PITPNB: variants seen among roughly 807,000 people sequenced by gnomAD.
The protein encoded by PITPNB is phosphatidylinositol transfer protein beta isoform.
A neutral mutation model predicts 45.9 loss-of-function variants in PITPNB; 16 were observed. That is an observed-to-expected ratio of 0.35 (90% confidence interval 0.24 to 0.53). The LOEUF is 0.53. Among genes scored for constraint, PITPNB ranks in the 20% least tolerant of loss-of-function variants. PITPNB has a pLI of 0.93. For synonymous variants in PITPNB, 112 were observed against 108.9 expected, an observed-to-expected ratio of 1.03 and a Z score of -0.18; for missense variants, 188 against 330.5, an observed-to-expected ratio of 0.57 and a Z score of 3.34.
intron 7 of PITPNB, among the ~76,000 whole-genome samples, chr22:27,887,563 A>C (rs1935157846): frequency 2.1e-5 from 3 of 144,570 alleles, no homozygotes; most frequent in African/African-American, 2.6e-5. Context: ...CACCCACCCC[A>C]CCTCCCCAGG....
At chr22:27,879,496 G>A (rs147375618) in intron 7 of PITPNB, among the ~76,000 whole-genome samples, 2 of 152,242 alleles carry the variant, frequency 1.3e-5, no homozygotes, top group East Asian at 1.9e-4. Flanking sequence ...TCAGGGGGAG[G>A]TGGGTTCCTG....
chr22:27,862,389 T>C (rs1241488002), intron 8 of PITPNB, among the ~76,000 whole-genome samples: 1 of 152,218 alleles, frequency 6.6e-6, no homozygotes, highest in Non-Finnish European at 1.5e-5. Flanking sequence ...TGCGACTGAA[T>C]GTTCTATAGA....
intron 11 of PITPNB, 123 bp from the exon 12 acceptor site, chr22:27,853,786 CT>C: frequency 1.4e-6 from 1 of 695,208 alleles, no homozygotes; most frequent in Non-Finnish European, 2.6e-6. Context: ...ACCCCAACTA[CT>C]GCATCTTACA....
intron 8 of PITPNB, among the ~76,000 whole-genome samples, chr22:27,868,204 AC>A (rs554809267): frequency 2.9e-4 from 44 of 151,988 alleles, no homozygotes; most frequent in Non-Finnish European, 5.4e-4. Flanking sequence ...ACAAGAGAGC[AC>A]CTCCCAGTGT....
At chr22:27,869,724 G>A (rs572111387) in intron 8 of PITPNB, among the ~76,000 whole-genome samples, 5 of 152,190 alleles carry the variant, frequency 3.3e-5, no homozygotes, top group South Asian at 4.2e-4. Context: ...TAACAATAAC[G>A]GTTAACATTG....
intron 8 of PITPNB, among the ~76,000 whole-genome samples, chr22:27,861,948 A>G (rs1184972308): frequency 2.0e-5 from 3 of 152,206 alleles, no homozygotes; most frequent in Non-Finnish European, 4.4e-5. Context: ...TCATAAGAGA[A>G]GAAAGTCACT....
chr22:27,905,866 C>T (rs1240947355), intron 3 of PITPNB, among the ~76,000 whole-genome samples: 1 of 152,208 alleles, frequency 6.6e-6, no homozygotes, highest in Non-Finnish European at 1.5e-5. Flanking sequence ...GAGCTACAAG[C>T]TTTTCTCTGA....
In PITPNB at chr22:27,912,634, T is replaced by C. The variant is rs555152259; in HGVS notation, c.52-1525A>G. On this transcript the variant is annotated intron_variant, in intron 2 of 11. Transcript: ENST00000335272. Reference sequence around the variant, plus strand: ...TTCTCTCATTCTCCTTTTTTAAGAATAAAAAATTAAAAAAAAAAAGAATAA... The same window carrying C: ...TTCTCTCATTCTCCTTTTTTAAGAACAAAAAATTAAAAAAAAAAAGAATAA... Among the ~76,000 whole-genome samples, 141 of 142,172 alleles carry C rather than the reference T, an allele frequency of 9.9e-4. 1 individual carries two copies. Among genetic ancestry groups the C allele is most frequent in the African/African-American group, 3.3e-3 (128 of 39,022 alleles). 93.3% of individuals were successfully genotyped at this position (142,172 alleles called of 152,430 possible).
intron 7 of PITPNB, among the ~76,000 whole-genome samples, chr22:27,883,475 A>G (rs773162424): frequency 6.6e-6 from 1 of 152,250 alleles, no homozygotes; most frequent in Non-Finnish European, 1.5e-5. Context: ...AATAATGTAT[A>G]CTAGAATGCA....
chr22:27,860,807 G>A (rs1934305267), intron 8 of PITPNB, among the ~76,000 whole-genome samples: 1 of 152,112 alleles, frequency 6.6e-6, no homozygotes, highest in Non-Finnish European at 1.5e-5. Context: ...TTCCACAAAT[G>A]ACTACACCTC....
At chr22:27,874,691 G>A (rs1322154792) in intron 7 of PITPNB, among the ~76,000 whole-genome samples, 1 of 152,316 alleles carries the variant, frequency 6.6e-6, no homozygotes, top group Non-Finnish European at 1.5e-5. Context: ...AAGAGCTAGA[G>A]CCCAGATTAA....
chr22:27,907,987 C>T (rs913276412), intron 3 of PITPNB, among the ~76,000 whole-genome samples: 5 of 151,766 alleles, frequency 3.3e-5, no homozygotes, highest in Non-Finnish European at 5.9e-5. Context: ...GGTTGGCCAC[C>T]GAGAGCCAAA....
At chr22:27,881,305 G>T (rs2146377866) in intron 7 of PITPNB, among the ~76,000 whole-genome samples, 1 of 152,258 alleles carries the variant, frequency 6.6e-6, no homozygotes, top group South Asian at 2.1e-4. Flanking sequence ...TATTTGAGGT[G>T]CTTTCTCCCT....
intron 3 of PITPNB, among the ~76,000 whole-genome samples, chr22:27,906,429 C>G (rs1386360905): frequency 6.6e-6 from 1 of 152,138 alleles, no homozygotes; most frequent in African/African-American, 2.4e-5. Context: ...TCTAAACTCC[C>G]AAGGAGTTAA....
At chr22:27,884,786 T>A (rs1003778699) in intron 7 of PITPNB, among the ~76,000 whole-genome samples, 1 of 152,220 alleles carries the variant, frequency 6.6e-6, no homozygotes, top group Non-Finnish European at 1.5e-5. Flanking sequence ...TTAATGCTTT[T>A]ATATCATTAT....
chr22:27,871,990 A>G (rs1388839632), intron 8 of PITPNB, among the ~76,000 whole-genome samples: 1 of 149,084 alleles, frequency 6.7e-6, no homozygotes, highest in Non-Finnish European at 1.5e-5. Context: ...TTTGCCTACC[A>G]TGACTGTAAG....
chr22:27,902,077 C>T (rs1935610479), intron 3 of PITPNB, among the ~76,000 whole-genome samples: 1 of 151,902 alleles, frequency 6.6e-6, no homozygotes, highest in South Asian at 2.1e-4. Context: ...TAGTAAACAA[C>T]AAAATACAAA....
chr22:27,918,906 C>T (rs564458018), intron 1 of PITPNB, among the ~76,000 whole-genome samples: 1 of 152,150 alleles, frequency 6.6e-6, no homozygotes, highest in East Asian at 1.9e-4. Flanking sequence ...CTCCCGGCCG[C>T]GCCTTCCCGA....
intron 1 of PITPNB, 143 bp downstream of exon 1, chr22:27,919,029 G>A: frequency 8.1e-7 from 1 of 1,237,572 alleles, no homozygotes; most frequent in South Asian, 1.2e-5. Flanking sequence ...GGCTTCGAAG[G>A]GGCCGGGGGA....
Sources: allele counts gnomAD v4.1 joint callset (sites outside exome capture counted in the v4.1 genomes callset), GRCh38; gene constraint gnomAD v4.1.1; transcripts MANE v1.5; gene names NCBI Gene and HGNC (gene_info 2026-07-23, HGNC 2026-07-21).